Variants in FBXL17 observed in about 807,000 individuals in gnomAD.
The protein encoded by FBXL17 is F-box/LRR-repeat protein 17.
Under a neutral mutation model 66.2 loss-of-function variants are expected in FBXL17, and 22 were observed. That is an observed-to-expected ratio of 0.33 (90% confidence interval 0.24 to 0.47). The LOEUF (loss-of-function observed/expected upper bound fraction) is 0.47, where lower values mean the gene tolerates loss of function less well. Among genes scored for constraint, FBXL17 ranks in the 20% least tolerant of loss-of-function variants. The probability of loss-of-function intolerance (pLI) is 1.00; values close to 1 mark genes in which losing one functional copy is unlikely to be tolerated. For missense variants in FBXL17, 878 were observed against 948.2 expected (o/e 0.93, Z 0.97); for synonymous variants, 474 against 400.5 (o/e 1.18, Z -2.19).
At chr5:107,953,185 G>A (rs1751553472) in intron 7 of FBXL17, among the ~76,000 whole-genome samples, 3 of 151,984 alleles carry the variant, frequency 2.0e-5, no homozygotes, top group South Asian at 4.1e-4. Context: ...GGCGGATCAC[G>A]AGGTCAGGAG....
At chr5:107,947,963 A>G (rs1751369683) in intron 7 of FBXL17, among the ~76,000 whole-genome samples, 1 of 152,180 alleles carries the variant, frequency 6.6e-6, no homozygotes, top group African/African-American at 2.4e-5. Flanking sequence ...CCATGATTTC[A>G]TCTCATAGAA....
intron 7 of FBXL17, among the ~76,000 whole-genome samples, chr5:107,958,917 T>C (rs1207134316): frequency 6.6e-6 from 1 of 152,244 alleles, no homozygotes; most frequent in African/African-American, 2.4e-5. Flanking sequence ...ACTCATTTTC[T>C]TAAAATAAAT....
At chr5:108,013,142 G>C (rs1169539867) in intron 7 of FBXL17, among the ~76,000 whole-genome samples, 1 of 151,100 alleles carries the variant, frequency 6.6e-6, no homozygotes, top group Non-Finnish European at 1.5e-5. Flanking sequence ...TGTTACGAAA[G>C]TTTGTTATTT....
Position 108,381,461 on chromosome 5 carries a change from C to T in FBXL17, c.231G>A (p.Glu77=), listed in dbSNP as rs1472396957. 1.5e-6 allele frequency: 2 copies of T among 1,323,130 alleles called. No individual in the cohort carries two copies. Among genetic ancestry groups the T allele is most frequent in the Non-Finnish European group, 1.9e-6 (2 of 1,043,750 alleles). The allele number at this position is 1,323,130 out of a possible 1,614,324, so 82.0% of individuals were successfully genotyped here. A position where few individuals can be genotyped will look rare whatever the true frequency, so the allele number is the denominator to read the frequency against. Residue 77 remains glutamate (E), a synonymous_variant, in exon 1 of 9, where the codon GAG becomes GAA. Coordinates refer to ENST00000542267, the MANE Select transcript of FBXL17 (RefSeq NM_001163315.3). Reference sequence around the variant, plus strand: ...GCGGCGGCGAGAGCGGCGGCTCCTCCTCTGGGCCGGCGGGGGCGGGCGCGC... The same window carrying T: ...GCGGCGGCGAGAGCGGCGGCTCCTCTTCTGGGCCGGCGGGGGCGGGCGCGC... ...SPGAPAPAGP[E]EEPPLSPPPR... is the part of the protein sequence containing the mutation.
rs553863875 is a variant in FBXL17 at position 107,901,462 on chromosome 5, TGCTGTAGTAAGAA to T, written c.1823-20296_1823-20284del. Among the ~76,000 whole-genome samples, 25 of 152,330 alleles carry T rather than the reference TGCTGTAGTAAGAA, an allele frequency of 1.6e-4. No homozygotes were observed. The South Asian group carries it at 5.2e-3, about 32-fold the overall frequency. Reference sequence around the variant, plus strand: ...TTACTTAATGATAATGATTTCACTCTGCTGTAGTAAGAAGCTGTGCTCAGAACTACTGAAGAGA... The same window carrying T: ...TTACTTAATGATAATGATTTCACTCTGCTGTGCTCAGAACTACTGAAGAGA... On this transcript the variant is annotated intron_variant, in intron 7 of 8. Coordinates refer to ENST00000542267, the MANE Select transcript of FBXL17 (RefSeq NM_001163315.3).
intron 6 of FBXL17, among the ~76,000 whole-genome samples, chr5:108,156,482 G>A (rs1225092904): frequency 4.0e-5 from 6 of 151,816 alleles, no homozygotes; most frequent in Non-Finnish European, 7.4e-5. Flanking sequence ...ATATTAAACC[G>A]AAGTATTTTT....
At position 107,871,069 on chromosome 5, in the gene FBXL17, A is replaced by AAAAAAAAAAAAAAAAAAAAAAAAC. The variant is rs1456052737; in HGVS notation, c.1966-9210_1966-9209insGTTTTTTTTTTTTTTTTTTTTTTT. On this transcript the variant is annotated intron_variant, in intron 8 of 8. Transcript: ENST00000542267. The stretch of plus-strand genomic sequence containing the variant: ...TACTCTTGGGCGGCAAAAAAAAAAA[A>AAAAAAAAAAAAAAAAAAAAAAAAC]AAAAAAAAAACCTCATCTAAAAATC... Among the ~76,000 whole-genome samples, 160 of 130,084 alleles carry AAAAAAAAAAAAAAAAAAAAAAAAC rather than the reference A, an allele frequency of 1.2e-3. 3 individuals carry two copies. The highest frequency in any genetic ancestry group is 4.6e-3 in the African/African-American group (142 of 31,010). The allele number at this position is 130,084 out of a possible 152,430, so 85.3% of individuals were successfully genotyped here. A position where few individuals can be genotyped will look rare whatever the true frequency, so the allele number is the denominator to read the frequency against.
At chr5:108,175,303 A>C (rs1752757495) in intron 6 of FBXL17, among the ~76,000 whole-genome samples, 1 of 152,188 alleles carries the variant, frequency 6.6e-6, no homozygotes, top group Admixed American at 6.5e-5. Context: ...AAAGACTCAT[A>C]AACAAAACGT....
chr5:108,129,922 T>A (rs1281398138), intron 6 of FBXL17, among the ~76,000 whole-genome samples: 1 of 108,956 alleles, frequency 9.2e-6, no homozygotes. Flanking sequence ...CCACATTTAC[T>A]TAATAATCTA....
At chr5:108,294,070 GAAGTA>G (rs1758239542) in intron 4 of FBXL17, among the ~76,000 whole-genome samples, 1 of 134,594 alleles carries the variant, frequency 7.4e-6, no homozygotes, top group African/African-American at 2.8e-5. Flanking sequence ...AAAAAAAGGA[GAAGTA>G]ATGTATTTCA....
intron 6 of FBXL17, among the ~76,000 whole-genome samples, chr5:108,028,760 A>G (rs973286341): frequency 5.9e-5 from 9 of 152,086 alleles, no homozygotes; most frequent in Non-Finnish European, 8.8e-5. Context: ...CTCTTTTTGG[A>G]TAAGCCAAAT....
At chr5:107,905,274 T>A (rs914472261) in intron 7 of FBXL17, among the ~76,000 whole-genome samples, 1 of 152,136 alleles carries the variant, frequency 6.6e-6, no homozygotes, top group African/African-American at 2.4e-5. Context: ...CCAATTCCTC[T>A]TTCATAAATA....
chr5:107,931,850 C>A (rs960403784), intron 7 of FBXL17, among the ~76,000 whole-genome samples: 1 of 152,128 alleles, frequency 6.6e-6, no homozygotes, highest in African/African-American at 2.4e-5. Flanking sequence ...AACTACCACT[C>A]GGTATTATAT....
intron 7 of FBXL17, among the ~76,000 whole-genome samples, chr5:107,966,767 A>G (rs955531199): frequency 1.3e-5 from 2 of 152,182 alleles, no homozygotes; most frequent in Non-Finnish European, 2.9e-5. Flanking sequence ...TTGTACAACT[A>G]TCACCACATC....
At chr5:107,973,354 A>ATTTTTTTTTTTTT (rs200079422) in intron 7 of FBXL17, among the ~76,000 whole-genome samples, 13 of 120,428 alleles carry the variant, frequency 1.1e-4, no homozygotes, top group Non-Finnish European at 1.8e-4. Context: ...TTTTTTTGTA[A>ATTTTTTTTTTTTT]TTTTTTTTTT....
intron 6 of FBXL17, among the ~76,000 whole-genome samples, chr5:108,123,872 C>T (rs911506668): frequency 3.3e-5 from 5 of 152,048 alleles, no homozygotes; most frequent in African/African-American, 1.2e-4. Context: ...CATAAGACAC[C>T]ACTAACAAAA....
At chr5:108,140,133 C>A (rs575791280) in intron 6 of FBXL17, among the ~76,000 whole-genome samples, 8 of 152,282 alleles carry the variant, frequency 5.3e-5, no homozygotes, top group South Asian at 4.1e-4. Context: ...GCAACCTCTG[C>A]CTCCTGGGCT....
intron 6 of FBXL17, among the ~76,000 whole-genome samples, chr5:108,102,400 A>G (rs1212563456): frequency 6.6e-6 from 1 of 152,218 alleles, no homozygotes; most frequent in Non-Finnish European, 1.5e-5. Context: ...TTTGGAAGGT[A>G]GCCAAATTCA....
intron 7 of FBXL17, among the ~76,000 whole-genome samples, chr5:107,926,131 C>T (rs1750516934): frequency 6.6e-6 from 1 of 152,088 alleles, no homozygotes; most frequent in African/African-American, 2.4e-5. Context: ...GCCCTAGCTC[C>T]TAGAAAAGTA....
Sources: allele counts gnomAD v4.1 joint callset (sites outside exome capture counted in the v4.1 genomes callset), GRCh38; gene constraint gnomAD v4.1.1; transcripts MANE v1.5; gene names NCBI Gene and HGNC (gene_info 2026-07-23, HGNC 2026-07-21).